The following FAM124B variants were observed in gnomAD, a reference collection of about 807,000 sequenced individuals.
FAM124B encodes family with sequence similarity 124 member B, also known as protein FAM124B.
A neutral mutation model predicts 19.7 loss-of-function variants in FAM124B; 18 were observed. That is an observed-to-expected ratio of 0.92 (90% confidence interval 0.63 to 1.36). The LOEUF is 1.36. Among genes scored for constraint, FAM124B ranks in the 40% most tolerant of loss-of-function variants. FAM124B has a pLI of 0.00. For missense variants in FAM124B, 540 were observed against 553.3 expected (o/e 0.98, Z 0.24); for synonymous variants, 223 against 225.2 (o/e 0.99, Z 0.09).
At chr2:224,383,995 A>G (rs2106077917) in intron 1 of FAM124B, among the ~76,000 whole-genome samples, 1 of 152,328 alleles carries the variant, frequency 6.6e-6, no homozygotes, top group East Asian at 1.9e-4. Context: ...GCAACTGTGA[A>G]CACAGAGAGA....
intron 1 of FAM124B, among the ~76,000 whole-genome samples, chr2:224,396,249 G>C (rs974323142): frequency 6.6e-6 from 1 of 151,948 alleles, no homozygotes; most frequent in Non-Finnish European, 1.5e-5. Context: ...GAAACCTCAG[G>C]AAGTTTGCTG....
chr2:224,382,470 C>T (rs930220429), intron 1 of FAM124B, among the ~76,000 whole-genome samples: 5 of 140,038 alleles, frequency 3.6e-5, no homozygotes, highest in Non-Finnish European at 6.0e-5. Flanking sequence ...AGTGCAATGG[C>T]GCAATCTCAG....
At chr2:224,394,737 T>C (rs1427825048) in intron 1 of FAM124B, among the ~76,000 whole-genome samples, 1 of 152,210 alleles carries the variant, frequency 6.6e-6, no homozygotes, top group Non-Finnish European at 1.5e-5. Flanking sequence ...TCCAGCCCTA[T>C]ACTTTGCTAC....
At position 224,401,572 on chromosome 2, in the gene FAM124B, C is replaced by A. The variant is rs565798681; in HGVS notation, c.197G>T (p.Gly66Val). The change falls in exon 1 of 2, where the codon GGG becomes GTG. Residue 66 changes from glycine (G) to valine (V), a missense_variant. Coordinates refer to ENST00000409685, the MANE Select transcript of FAM124B (RefSeq NM_001122779.2). ...KSHSKRSRFP[G>V]MSVLLFLHES... is the part of the protein sequence containing the mutation. ...GTGCAGGAAGAGCAACACGGACATC[C>A]CTGGAAACCGGGACCGCTTGGAATG... 1.2e-6 allele frequency: 2 copies of A among 1,614,190 alleles called. No individual in the cohort carries two copies. The highest frequency in any genetic ancestry group is 1.7e-6 in the Non-Finnish European group (2 of 1,180,040).
intron 1 of FAM124B, among the ~76,000 whole-genome samples, chr2:224,395,516 C>T (rs1281783136): frequency 6.6e-6 from 1 of 152,168 alleles, no homozygotes; most frequent in Non-Finnish European, 1.5e-5. Flanking sequence ...GGGAGAAAAG[C>T]AGAGGGACTG....
chr2:224,381,517 G>T (rs1158608018), intron 1 of FAM124B, among the ~76,000 whole-genome samples: 8 of 151,928 alleles, frequency 5.3e-5, no homozygotes, highest in African/African-American at 1.9e-4. Flanking sequence ...ATCAGTGGTT[G>T]CCAGGGGTTG....
chr2:224,382,171 G>A (rs1689732103), intron 1 of FAM124B, among the ~76,000 whole-genome samples: 1 of 152,114 alleles, frequency 6.6e-6, no homozygotes, highest in Admixed American at 6.5e-5. Context: ...ATATCTGAGG[G>A]TTTGCCGGCC....
rs1390434023 is a variant in FAM124B, at chr2:224,402,072, C to T, written c.-304G>A. On this transcript the variant is annotated 5_prime_UTR_variant, in exon 1 of 2. Coordinates refer to ENST00000409685, the MANE Select transcript of FAM124B (RefSeq NM_001122779.2). Reference sequence around the variant, plus strand: ...TGTGTTTAGCCTTTTCAGGCGTTCCCCAGGGTTTCTGCGTGACCTAAAAAC... The same window carrying T: ...TGTGTTTAGCCTTTTCAGGCGTTCCTCAGGGTTTCTGCGTGACCTAAAAAC... The T allele has an allele frequency of 6.2e-6, 2 of 324,520 alleles. No homozygotes were observed. Among genetic ancestry groups the T allele is most frequent in the East Asian group, 1.1e-4 (2 of 18,780 alleles). 20.1% of individuals were successfully genotyped at this position (324,520 alleles called of 1,614,324 possible). A position where few individuals can be genotyped will look rare whatever the true frequency, so the allele number is the denominator to read the frequency against.
At chr2:224,391,905 TTAGG>T (rs1381544221) in intron 1 of FAM124B, among the ~76,000 whole-genome samples, 1 of 152,214 alleles carries the variant, frequency 6.6e-6, no homozygotes, top group African/African-American at 2.4e-5. Flanking sequence ...TCTGTTGTCC[TTAGG>T]TAGATTACGA....
At chr2:224,397,840 G>T (rs1248041032) in intron 1 of FAM124B, among the ~76,000 whole-genome samples, 1 of 152,182 alleles carries the variant, frequency 6.6e-6, no homozygotes, top group East Asian at 1.9e-4. Flanking sequence ...CATTCAAGAG[G>T]TGACTGGGGT....
chr2:224,401,731 T>C lies in FAM124B; in HGVS notation c.38A>G (p.His13Arg), dbSNP rs772792440. The change falls in exon 1 of 2, where the codon CAT becomes CGT. Residue 13 changes from histidine (H) to arginine (R), a missense_variant. His to Arg is a conservative substitution (Grantham distance 29). Transcript: ENST00000409685. The stretch of plus-strand genomic sequence containing the variant: ...GCCGTGCCCAGAGTTGGCAAGAAGA[T>C]GGACAGTCATGGCCAGAGGCCCCTG... ...ETQGPLAMTV[H>R]LLANSGHGSL... 1.1e-5 allele frequency: 17 copies of C among 1,613,852 alleles called. No individual in the cohort carries two copies. Among genetic ancestry groups the C allele is most frequent in the Non-Finnish European group, 1.3e-5 (15 of 1,180,040 alleles).
chr2:224,400,550 A>G (rs1243739870), intron 1 of FAM124B: 6 of 680,832 alleles, frequency 8.8e-6, no homozygotes, highest in East Asian at 5.4e-5. Context: ...ATATCTAAAC[A>G]TAAGTATGAC....
At chr2:224,396,498 GGTTA>G (rs1439010717) in intron 1 of FAM124B, among the ~76,000 whole-genome samples, 6 of 152,142 alleles carry the variant, frequency 3.9e-5, no homozygotes, top group Admixed American at 2.0e-4. Flanking sequence ...TCTGCAGAGA[GGTTA>G]GTTTGTGGTT....
At chr2:224,390,201 A>G (rs934118330) in intron 1 of FAM124B, among the ~76,000 whole-genome samples, 2 of 151,720 alleles carry the variant, frequency 1.3e-5, no homozygotes, top group Admixed American at 1.3e-4. Context: ...TAATTAAAAG[A>G]ACTGGGTTAT....
At chr2:224,393,609 G>A (rs1389681290) in intron 1 of FAM124B, among the ~76,000 whole-genome samples, 1 of 152,194 alleles carries the variant, frequency 6.6e-6, no homozygotes, top group East Asian at 1.9e-4. Flanking sequence ...CAGAGAGAAG[G>A]GAGAAAACCA....
At chr2:224,382,815 C>A (rs551474150) in intron 1 of FAM124B, among the ~76,000 whole-genome samples, 2 of 152,242 alleles carry the variant, frequency 1.3e-5, no homozygotes, top group East Asian at 3.9e-4. Flanking sequence ...CCTACGGGAC[C>A]CCCTCTCTAG....
At chr2:224,386,585 G>A (rs930158267) in intron 1 of FAM124B, among the ~76,000 whole-genome samples, 2 of 152,152 alleles carry the variant, frequency 1.3e-5, no homozygotes, top group African/African-American at 4.8e-5. Flanking sequence ...ATTATTACTA[G>A]CTCTCACAGC....
chr2:224,385,532 T>C (rs1480085360), intron 1 of FAM124B, among the ~76,000 whole-genome samples: 2 of 152,220 alleles, frequency 1.3e-5, no homozygotes, highest in African/African-American at 4.8e-5. Flanking sequence ...AGCGTCTAAA[T>C]GATGAAGGCT....
intron 1 of FAM124B, among the ~76,000 whole-genome samples, chr2:224,383,931 A>G (rs528018442): frequency 6.6e-6 from 1 of 152,346 alleles, no homozygotes; most frequent in East Asian, 1.9e-4. Flanking sequence ...AGATTATCCA[A>G]TCTGGAGAAA....
Sources: gnomAD v4.1 joint callset for allele counts (sites outside exome capture counted in the v4.1 genomes callset) on GRCh38, gnomAD v4.1.1 for gene constraint, MANE v1.5 for transcripts, NCBI Gene and HGNC (gene_info 2026-07-23, HGNC 2026-07-21) for gene names.